The following UNC13B variants were observed in gnomAD, a reference collection of about 807,000 sequenced individuals.
UNC13B encodes protein unc-13 homolog B.
In UNC13B, 144 loss-of-function variants were observed where a neutral mutation model predicts 211.0. The ratio of observed to expected loss-of-function variants is 0.68; its 90% CI spans 0.60 to 0.78. UNC13B has a LOEUF of 0.78. Among genes scored for constraint, UNC13B ranks in the 30% least tolerant of loss-of-function variants. UNC13B has a pLI of 0.00. For synonymous variants in UNC13B, 709 were observed against 725.8 expected, an observed-to-expected ratio of 0.98 and a Z score of 0.37; for missense variants, 1,777 against 2,002.0, an observed-to-expected ratio of 0.89 and a Z score of 2.14.
intron 1 of UNC13B, among the ~76,000 whole-genome samples, chr9:35,225,488 G>A (rs1046952876): frequency 6.6e-5 from 10 of 152,038 alleles, no homozygotes; most frequent in African/African-American, 1.9e-4. Context: ...TGATATTTGT[G>A]TATGTGTTAT....
intron 5 of UNC13B, among the ~76,000 whole-genome samples, chr9:35,241,283 T>G (rs1376565208): frequency 6.6e-6 from 1 of 152,168 alleles, no homozygotes; most frequent in African/African-American, 2.4e-5. Flanking sequence ...CTTTTAATTT[T>G]AACTATTTGT....
intron 7 of UNC13B, among the ~76,000 whole-genome samples, chr9:35,268,952 TA>T (rs749884607): frequency 5.3e-5 from 8 of 152,158 alleles, no homozygotes; most frequent in Non-Finnish European, 7.3e-5. Context: ...CATTCTTTTT[TA>T]AAAGGAAAAA....
Position 35,162,071 on chromosome 9 carries a change from C to G in UNC13B, c.-213C>G. 1.6e-6 allele frequency: 1 copy of G among 636,894 alleles called. No homozygotes were observed. The allele number at this position is 636,894 out of a possible 1,614,324, so 39.5% of individuals were successfully genotyped here. A position where few individuals can be genotyped will look rare whatever the true frequency, so the allele number is the denominator to read the frequency against. The stretch of plus-strand genomic sequence containing the variant: ...TGTGCCGCGCCCAGTCCCCAGCCTG[C>G]CGGCCGGTACTCACCGCTACCCGGA... On this transcript the variant is annotated 5_prime_UTR_variant, in exon 1 of 40. Transcript: ENST00000635942.
At chr9:35,235,510 C>T (rs992742113) in intron 3 of UNC13B, among the ~76,000 whole-genome samples, 7 of 149,034 alleles carry the variant, frequency 4.7e-5, no homozygotes, top group African/African-American at 1.5e-4. Context: ...AGTGCAGTGG[C>T]GTGATCTTGG....
chr9:35,378,204 C>G (rs1834569358), intron 16 of UNC13B, 91 bp from the exon 17 acceptor site: 4 of 1,536,136 alleles, frequency 2.6e-6, no homozygotes, highest in Non-Finnish European at 3.6e-6. Context: ...GTGCAAGGAG[C>G]ATAGACTGCT....
Position 35,331,990 on chromosome 9 carries a change from C to CT in UNC13B, c.9414+18013dup, listed in dbSNP as rs111856770. Among the ~76,000 whole-genome samples, 650 of 144,940 alleles carry CT rather than the reference C, an allele frequency of 4.5e-3. 5 individuals carry two copies. Among genetic ancestry groups the CT allele is most frequent in the East Asian group, 0.039 (193 of 4,990 alleles). On this transcript the variant is annotated intron_variant, in intron 11 of 39. Coordinates refer to ENST00000635942, the MANE Select transcript of UNC13B (RefSeq NM_001371189.2). ...GGTAACCAGTAGGCTTCCAACTAGC[C>CT]TTTTTTTTTTTTGAACGGAGTCTTG...
chr9:35,241,591 ACACACC>A (rs1227307208), intron 5 of UNC13B, among the ~76,000 whole-genome samples: 1 of 103,636 alleles, frequency 9.6e-6, no homozygotes, highest in East Asian at 2.2e-4. Context: ...ACACACACAC[ACACACC>A]ACCATCTTCT....
intron 7 of UNC13B, among the ~76,000 whole-genome samples, chr9:35,272,364 TCTCCTGCCTCAGC>T (rs1827942105): frequency 6.6e-6 from 1 of 151,696 alleles, no homozygotes; most frequent in South Asian, 2.1e-4. Context: ...TTCAAGCAAT[TCTCCTGCCTCAGC>T]CTCTCGAGTA....
rs1231118699 is a variant in UNC13B, at chr9:35,396,589, C to T, written c.11422C>T (p.Pro3808Ser). 1 of 1,613,782 alleles carries T rather than the reference C, an allele frequency of 6.2e-7. No homozygotes were observed. Among genetic ancestry groups the T allele is most frequent in the African/African-American group, 1.3e-5 (1 of 74,850 alleles). ...RDLPVLQGQV[P>S]EYPAWFEQFV... ...TCTGCCTGTCCTCCAGGGGCAGGTG[C>T]CTGAGTACCCAGCGTGAGTCATCAT... is the stretch of plus-strand genomic sequence containing the variant. The change falls in exon 27 of 40, where the codon CCT (proline) becomes TCT (serine). Residue 3808 changes from proline (P) to serine (S), a missense_variant. Transcript: ENST00000635942.
At position 35,404,131 on chromosome 9, in the gene UNC13B, G is replaced by C; in HGVS notation, c.*98G>C. On this transcript the variant is annotated 3_prime_UTR_variant, in exon 40 of 40. Coordinates refer to ENST00000635942, the MANE Select transcript of UNC13B (RefSeq NM_001371189.2). ...ACCGGCTTAGGGTCTTTGCAGTCAA[G>C]AGGCTGACCCCTTCAGTTAAAGATA... 7 of 1,454,964 alleles carry C rather than the reference G, an allele frequency of 4.8e-6. No homozygotes were observed. Among genetic ancestry groups the C allele is most frequent in the Non-Finnish European group, 5.5e-6 (6 of 1,092,430 alleles). The allele number at this position is 1,454,964 out of a possible 1,614,324, so 90.1% of individuals were successfully genotyped here. A position where few individuals can be genotyped will look rare whatever the true frequency, so the allele number is the denominator to read the frequency against.
chr9:35,394,438 A>G, intron 26 of UNC13B, among the ~76,000 whole-genome samples: 1 of 152,160 alleles, frequency 6.6e-6, no homozygotes, highest in East Asian at 1.9e-4. Flanking sequence ...TCTACTAAAA[A>G]TACAAACATT....
chr9:35,218,790 C>G (rs916252508), intron 1 of UNC13B, among the ~76,000 whole-genome samples: 6 of 151,114 alleles, frequency 4.0e-5, no homozygotes, highest in Non-Finnish European at 7.4e-5. Context: ...GCTCTTGTTG[C>G]CCAGGCTGGA....
At chr9:35,294,966 T>C (rs1199592761) in intron 7 of UNC13B, among the ~76,000 whole-genome samples, 1 of 152,236 alleles carries the variant, frequency 6.6e-6, no homozygotes, top group Non-Finnish European at 1.5e-5. Flanking sequence ...TTGGCTGCAT[T>C]GTCAGCAAGA....
At chr9:35,253,126 ATGTATTTCAGC>A (rs1826611781) in intron 6 of UNC13B, among the ~76,000 whole-genome samples, 1 of 152,072 alleles carries the variant, frequency 6.6e-6, no homozygotes, top group Non-Finnish European at 1.5e-5. Flanking sequence ...ATATTTGATA[ATGTATTTCAGC>A]CCATTGCAAT....
At chr9:35,229,812 A>T (rs926348898) in intron 2 of UNC13B, among the ~76,000 whole-genome samples, 40 of 152,204 alleles carry the variant, frequency 2.6e-4, no homozygotes, top group African/African-American at 8.9e-4. Flanking sequence ...TTTAAATGAT[A>T]TTTAAAAGAA....
At position 35,303,568 on chromosome 9, in the gene UNC13B, T is replaced by C. The variant is rs184891149; in HGVS notation, c.4164T>C (p.Asp1388=). Residue 1388 remains aspartate, a synonymous_variant, in exon 9 of 40, where the codon GAT becomes GAC. Coordinates refer to ENST00000635942, the MANE Select transcript of UNC13B (RefSeq NM_001371189.2). ...ATCAAAATAGATTTCTATCAGCCGA[T>C]GCTTGCTTGTGGCTTGACTCAGAAA... The part of the protein sequence containing the change: ...MLNQNRFLSA[D]ACLWLDSENS... 1.3e-5 allele frequency: 5 copies of C among 398,804 alleles called. No individual in the cohort carries two copies. The highest frequency in any genetic ancestry group is 8.8e-5 in the Admixed American group (2 of 22,710). The allele number at this position is 398,804 out of a possible 1,614,324, so 24.7% of individuals were successfully genotyped here.
intron 26 of UNC13B, among the ~76,000 whole-genome samples, chr9:35,394,181 T>C (rs1248054709): frequency 6.6e-6 from 1 of 152,176 alleles, no homozygotes; most frequent in East Asian, 1.9e-4. Flanking sequence ...TTGAGGATGA[T>C]GCTCAGCATT....
chr9:35,191,735 C>CT (rs1437178190), intron 1 of UNC13B, among the ~76,000 whole-genome samples: 1 of 152,220 alleles, frequency 6.6e-6, no homozygotes, highest in Non-Finnish European at 1.5e-5. Flanking sequence ...ATGGCAGAGA[C>CT]TAAAACAAAG....
chr9:35,289,713 A>C lies in UNC13B; in HGVS notation c.527-5983A>C, dbSNP rs1045812644. Reference sequence around the variant, plus strand: ...TATTCTTGGCTGAGCATGGTGGCTCACTCCTGTAATCCCAGCACTTTGGGA... The same window carrying C: ...TATTCTTGGCTGAGCATGGTGGCTCCCTCCTGTAATCCCAGCACTTTGGGA... On this transcript the variant is annotated intron_variant, in intron 7 of 39. Transcript: ENST00000635942. 3.3e-5 allele frequency among the ~76,000 whole-genome samples: 5 copies of C among 152,102 alleles called. No homozygotes were observed. In the East Asian group the frequency reaches 9.6e-4, roughly 29 times the overall value.
Sources: allele counts gnomAD v4.1 joint callset (sites outside exome capture counted in the v4.1 genomes callset), GRCh38; gene constraint gnomAD v4.1.1; transcripts MANE v1.5; gene names NCBI Gene and HGNC (gene_info 2026-07-23, HGNC 2026-07-21).